LRIG3: variants seen among roughly 807,000 people sequenced by gnomAD.
LRIG3 encodes leucine rich repeats and immunoglobulin like domains 3.
A neutral mutation model predicts 114.5 loss-of-function variants in LRIG3; 76 were observed. That is an observed-to-expected ratio of 0.66 (90% confidence interval 0.55 to 0.80). The LOEUF (loss-of-function observed/expected upper bound fraction) is 0.80, where lower values mean the gene tolerates loss of function less well. Among genes scored for constraint, LRIG3 ranks in the 30% least tolerant of loss-of-function variants. LRIG3 has a pLI of 0.00. For missense variants in LRIG3, 1,239 were observed against 1,382.8 expected (o/e 0.90, Z 1.65); for synonymous variants, 512 against 519.8 (o/e 0.98, Z 0.20).
chr12:58,877,878 T>C, intron 14 of LRIG3, 26 bp from the exon 15 acceptor site: 1 of 1,573,264 alleles, frequency 6.4e-7, no homozygotes, highest in Non-Finnish European at 8.7e-7. Flanking sequence ...ATGCTTTTAA[T>C]TTCCCAAATA....
rs768648735 is a variant in LRIG3 at position 58,876,561 on chromosome 12, G to A, written c.2579C>T (p.Ser860Phe). 1 of 1,614,160 alleles carries A rather than the reference G, an allele frequency of 6.2e-7. No individual in the cohort carries two copies. Among genetic ancestry groups the A allele is most frequent in the East Asian group, 2.2e-5 (1 of 44,882 alleles). ...LPADIPSYLSSQGTLADRQDG... is the reference protein window; with the variant it reads ...LPADIPSYLSFQGTLADRQDG... ...CTGCCTGTCAGCTAACGTTCCCTGA[G>A]ATGACAAATAACTAGGAATATCTGC... Residue 860 changes from serine (S) to phenylalanine (F), a missense_variant, in exon 16 of 19, where the codon TCT becomes TTT. By Grantham distance (155) the Ser-to-Phe change is radical (BLOSUM62 -2). Coordinates refer to ENST00000320743, the MANE Select transcript of LRIG3 (RefSeq NM_153377.5).
At chr12:58,889,038 C>T (rs1307707090) in intron 5 of LRIG3, 76 bp from the exon 6 acceptor site, 4 of 1,362,722 alleles carry the variant, frequency 2.9e-6, no homozygotes, top group Middle Eastern at 1.9e-4. Flanking sequence ...GTCATTACTA[C>T]AATATAGTTC....
chr12:58,880,299 C>CAAAAAAAAAA, intron 13 of LRIG3: 1 of 339,752 alleles, frequency 2.9e-6, no homozygotes, highest in South Asian at 2.1e-5. Flanking sequence ...GATTCCGTCT[C>CAAAAAAAAAA]AAAAAAAAAA....
rs199959187 is a variant in LRIG3 at position 58,890,416 on chromosome 12, G to GT, written c.515+248dup. 4.0e-3 allele frequency among the ~76,000 whole-genome samples: 609 copies of GT among 152,052 alleles called. 9 individuals are homozygous for GT. The highest frequency in any genetic ancestry group is 0.014 in the African/African-American group (588 of 41,488). On this transcript the variant is annotated intron_variant, in intron 4 of 18. Transcript: ENST00000320743. ...ACATAGCAATGGTCTGATTTTGATT[G>GT]TTTTTTTAAAAATGAGCACTTTTCA... is the stretch of plus-strand genomic sequence containing the variant.
rs1445854603 is a variant in LRIG3 at position 58,877,440 on chromosome 12, GT to G, written c.2495del (p.His832ProfsTer33). 1.5e-5 allele frequency: 25 copies of G among 1,614,082 alleles called. No individual in the cohort carries two copies. The highest frequency in any genetic ancestry group is 2.0e-5 in the Non-Finnish European group (24 of 1,179,980). On this transcript the variant is annotated frameshift_variant, in exon 15 of 19. Transcript: ENST00000320743. LOFTEE classifies it high-confidence loss of function. ...TSLVWVVIIYHTRRRNEDCSI... is the reference protein window; with the variant it reads ...TSLVWVVIIYXTRRRNEDCSI... Reference sequence around the variant, plus strand: ...TGCAATCTTCATTCCTCCGCCTTGTGTGGTATATGATGACCACCCACACGAG... The same window carrying G: ...TGCAATCTTCATTCCTCCGCCTTGTGGGTATATGATGACCACCCACACGAG...
chr12:58,909,543 C>CTTA (rs1872193531), intron 3 of LRIG3, among the ~76,000 whole-genome samples: 1 of 152,188 alleles, frequency 6.6e-6, no homozygotes, highest in Non-Finnish European at 1.5e-5. Flanking sequence ...GGGCTTGGTA[C>CTTA]ATAGTAGATA....
intron 12 of LRIG3, 113 bp from the exon 13 acceptor site, chr12:58,881,014 G>T (rs1871111745): frequency 2.0e-6 from 2 of 1,008,778 alleles, no homozygotes; most frequent in Non-Finnish European, 3.0e-6. Flanking sequence ...TTTACCCTTT[G>T]TGTATGTTTT....
intron 18 of LRIG3, 72 bp downstream of exon 18, chr12:58,873,983 G>A (rs774400770): frequency 1.3e-6 from 2 of 1,532,064 alleles, no homozygotes; most frequent in Non-Finnish European, 8.9e-7. Context: ...ATTCAAGGCT[G>A]TCATTGCTCT....
intron 3 of LRIG3, among the ~76,000 whole-genome samples, chr12:58,907,153 AC>A (rs1872097727): frequency 1.3e-5 from 2 of 152,100 alleles, no homozygotes; most frequent in Admixed American, 6.5e-5. Context: ...GGCACACTCC[AC>A]GTGTGCTATG....
At chr12:58,892,415 T>C (rs1871486309) in intron 3 of LRIG3, among the ~76,000 whole-genome samples, 1 of 152,230 alleles carries the variant, frequency 6.6e-6, no homozygotes. Flanking sequence ...ACAAAATATA[T>C]CTTGTGTATT....
chr12:58,914,103 T>A (rs756011465), intron 2 of LRIG3, 47 bp from the exon 3 acceptor site: 2 of 1,573,776 alleles, frequency 1.3e-6, no homozygotes, highest in Non-Finnish European at 1.7e-6. Flanking sequence ...GATTAGGTAA[T>A]CTGTAATTCA....
At chr12:58,878,124 G>T (rs182905694) in intron 14 of LRIG3, among the ~76,000 whole-genome samples, 3 of 152,054 alleles carry the variant, frequency 2.0e-5, no homozygotes, top group Admixed American at 6.5e-5. Context: ...TGGTAGTAGG[G>T]GGGGAGAGTG....
chr12:58,910,406 G>A (rs957141599), intron 3 of LRIG3, among the ~76,000 whole-genome samples: 1 of 152,022 alleles, frequency 6.6e-6, no homozygotes, highest in African/African-American at 2.4e-5. Context: ...TCAGGAGATC[G>A]AGACCGTCCT....
chr12:58,918,733 G>A (rs1262263615), intron 1 of LRIG3, among the ~76,000 whole-genome samples: 1 of 152,014 alleles, frequency 6.6e-6, no homozygotes, highest in African/African-American at 2.4e-5. Context: ...CCCTGCTTTC[G>A]GTTAAAGACC....
At chr12:58,918,564 TTC>T (rs1202520067) in intron 1 of LRIG3, among the ~76,000 whole-genome samples, 1 of 152,240 alleles carries the variant, frequency 6.6e-6, no homozygotes, top group African/African-American at 2.4e-5. Flanking sequence ...TGTATTCATT[TTC>T]TCTTTCTCAT....
chr12:58,898,519 T>C (rs1281527137), intron 3 of LRIG3, among the ~76,000 whole-genome samples: 1 of 152,240 alleles, frequency 6.6e-6, no homozygotes, highest in Non-Finnish European at 1.5e-5. Flanking sequence ...TCCTCTTTCT[T>C]GGCTTGCTCC....
At chr12:58,899,800 G>A (rs1392402578) in intron 3 of LRIG3, among the ~76,000 whole-genome samples, 1 of 152,076 alleles carries the variant, frequency 6.6e-6, no homozygotes, top group Non-Finnish European at 1.5e-5. Flanking sequence ...CTTGTTGAAT[G>A]GTGAGTGCCA....
chr12:58,875,690 T>C (rs1243649979), intron 16 of LRIG3, among the ~76,000 whole-genome samples: 1 of 152,226 alleles, frequency 6.6e-6, no homozygotes, highest in Non-Finnish European at 1.5e-5. Flanking sequence ...TGTATTATGC[T>C]GTCTCCATTA....
intron 15 of LRIG3, among the ~76,000 whole-genome samples, 160 bp downstream of exon 15, chr12:58,877,240 G>A (rs1282981199): frequency 6.6e-6 from 1 of 152,180 alleles, no homozygotes; most frequent in Non-Finnish European, 1.5e-5. Flanking sequence ...AGCTTTATTT[G>A]GGGCTGGAGT....
Sources: allele counts gnomAD v4.1 joint callset (sites outside exome capture counted in the v4.1 genomes callset), GRCh38; gene constraint gnomAD v4.1.1; transcripts MANE v1.5; gene names NCBI Gene and HGNC (gene_info 2026-07-23, HGNC 2026-07-21).